SMURF2: variants seen among roughly 807,000 people sequenced by gnomAD.
The protein encoded by SMURF2 is E3 ubiquitin-protein ligase SMURF2.
A neutral mutation model predicts 109.6 loss-of-function variants in SMURF2; 48 were observed. That is an observed-to-expected ratio of 0.44 (90% CI 0.35 to 0.56). The LOEUF (loss-of-function observed/expected upper bound fraction) is 0.56. SMURF2 is among the 20% of genes least tolerant of loss of function. The pLI, the probability that SMURF2 is intolerant of heterozygous loss-of-function variation, is 0.01. For synonymous variants in SMURF2, 288 were observed against 317.1 expected, an observed-to-expected ratio of 0.91 and a Z score of 0.97; for missense variants, 575 against 909.0, an observed-to-expected ratio of 0.63 and a Z score of 4.72.
chr17:64,567,177 A>G (rs1035389828), intron 10 of SMURF2, among the ~76,000 whole-genome samples: 2 of 152,168 alleles, frequency 1.3e-5, no homozygotes, highest in African/African-American at 4.8e-5. Context: ...TTCATAGCAC[A>G]GTAACTTGAA....
intron 2 of SMURF2, among the ~76,000 whole-genome samples, chr17:64,605,055 A>T (rs1176468178): frequency 6.6e-6 from 1 of 151,790 alleles, no homozygotes; most frequent in Non-Finnish European, 1.5e-5. Flanking sequence ...GATCAACCTT[A>T]TCAAAGGTTA....
intron 1 of SMURF2, among the ~76,000 whole-genome samples, chr17:64,636,602 C>CA (rs782425202): frequency 0.091 from 3,505 of 38,610 alleles, 277 homozygotes; most frequent in African/African-American, 0.13. Flanking sequence ...GACTCTGCCT[C>CA]AAAAAAAAAA....
intron 14 of SMURF2, 139 bp from the exon 15 acceptor site, chr17:64,555,132 A>G: frequency 1.3e-6 from 1 of 774,856 alleles, no homozygotes; most frequent in African/African-American, 1.8e-5. Context: ...CATACCACCT[A>G]GTTCTTTCTG....
chr17:64,562,324 GA>G (rs1969232958), intron 11 of SMURF2, among the ~76,000 whole-genome samples: 1 of 134,402 alleles, frequency 7.4e-6, no homozygotes, highest in Non-Finnish European at 1.6e-5. Flanking sequence ...GAGAGAGAGA[GA>G]AAAATTAGCA....
At chr17:64,659,622 T>G (rs1387388974) in intron 1 of SMURF2, among the ~76,000 whole-genome samples, 1 of 151,934 alleles carries the variant, frequency 6.6e-6, no homozygotes, top group African/African-American at 2.4e-5. Flanking sequence ...GACCAATTCC[T>G]GGACGCACAT....
intron 10 of SMURF2, among the ~76,000 whole-genome samples, chr17:64,568,999 C>A (rs1365614185): frequency 6.7e-6 from 1 of 150,362 alleles, no homozygotes; most frequent in Non-Finnish European, 1.5e-5. Context: ...AAGACTCCAT[C>A]TCAAAAAAAA....
intron 1 of SMURF2, among the ~76,000 whole-genome samples, chr17:64,657,076 T>C (rs1224168189): frequency 6.6e-6 from 1 of 152,124 alleles, no homozygotes; most frequent in Non-Finnish European, 1.5e-5. Flanking sequence ...TTAAATAAAA[T>C]GCCAAAAAGG....
chr17:64,565,119 C>T (rs1161380490), intron 10 of SMURF2, among the ~76,000 whole-genome samples: 1 of 152,170 alleles, frequency 6.6e-6, no homozygotes, highest in African/African-American at 2.4e-5. Flanking sequence ...CTTCACAAAG[C>T]CTCCTGTGAA....
intron 7 of SMURF2, 82 bp downstream of exon 7, chr17:64,583,379 T>G (rs1014112467): frequency 8.7e-7 from 1 of 1,150,300 alleles, no homozygotes; most frequent in Non-Finnish European, 1.3e-6. Flanking sequence ...AAAAAAAATC[T>G]AGTAAAGCTG....
rs781821765 is a variant in SMURF2 at position 64,580,852 on chromosome 17, G to A, written c.709C>T (p.Arg237Ter). The stretch of plus-strand genomic sequence containing the variant: ...GTTCTGCTCATGTAATTTCTATGTC[G>A]TTGTGACCTGACTCTCCTCTCTGCC... ...RLAERRVRSQ[R>*]HRNYMSRTHL... The change falls in exon 8 of 19, where the codon CGA becomes TGA. Residue 237 changes from arginine to a stop codon, truncating the protein, a stop_gained. Transcript: ENST00000262435. LOFTEE classifies it high-confidence loss of function. The A allele has an allele frequency of 2.5e-6, 4 of 1,614,072 alleles. No individual in the cohort carries two copies. Among genetic ancestry groups the A allele is most frequent in the African/African-American group, 1.3e-5 (1 of 75,010 alleles).
At chr17:64,636,875 A>G (rs1970423883) in intron 1 of SMURF2, among the ~76,000 whole-genome samples, 1 of 151,586 alleles carries the variant, frequency 6.6e-6, no homozygotes, top group African/African-American at 2.4e-5. Flanking sequence ...TCTATGAGTT[A>G]TCTTTTAGCT....
At chr17:64,588,427 GAT>G (rs1443052399) in intron 5 of SMURF2, among the ~76,000 whole-genome samples, 2 of 151,734 alleles carry the variant, frequency 1.3e-5, no homozygotes, top group Non-Finnish European at 2.9e-5. Context: ...ATTAAGTTAT[GAT>G]ATATCTATAT....
intron 16 of SMURF2, among the ~76,000 whole-genome samples, chr17:64,550,068 T>C (rs1222520672): frequency 1.3e-5 from 2 of 152,200 alleles, no homozygotes; most frequent in African/African-American, 4.8e-5. Flanking sequence ...GAGATGAAAA[T>C]GCATTATATT....
chr17:64,579,672 T>C (rs1555686363), intron 8 of SMURF2, among the ~76,000 whole-genome samples: 1 of 152,198 alleles, frequency 6.6e-6, no homozygotes, highest in East Asian at 1.9e-4. Flanking sequence ...TAAAATTTAC[T>C]ATGCCAGACA....
intron 1 of SMURF2, among the ~76,000 whole-genome samples, chr17:64,613,396 G>C (rs1305552738): frequency 4.6e-5 from 7 of 152,072 alleles, no homozygotes; most frequent in African/African-American, 1.7e-4. Flanking sequence ...TTTTGTAATA[G>C]AAACTATGGA....
chr17:64,649,081 ATG>A (rs1310168898), intron 1 of SMURF2, among the ~76,000 whole-genome samples: 1 of 152,192 alleles, frequency 6.6e-6, no homozygotes, highest in Non-Finnish European at 1.5e-5. Context: ...AGAATTACTA[ATG>A]TTTGCAACTC....
intron 1 of SMURF2, among the ~76,000 whole-genome samples, chr17:64,638,103 C>A (rs1970447293): frequency 7.3e-6 from 1 of 137,466 alleles, no homozygotes. Context: ...CACTCTGTTG[C>A]CCAGGCTGGA....
intron 1 of SMURF2, among the ~76,000 whole-genome samples, chr17:64,644,923 G>A (rs552644833): frequency 4.6e-5 from 7 of 151,776 alleles, no homozygotes; most frequent in Admixed American, 3.3e-4. Flanking sequence ...GGCAGGAGCC[G>A]CTTCAACCCA....
At chr17:64,589,935 G>A (rs1555687511) in intron 5 of SMURF2, among the ~76,000 whole-genome samples, 1 of 151,972 alleles carries the variant, frequency 6.6e-6, no homozygotes, top group Non-Finnish European at 1.5e-5. Context: ...ATGGTGGGGT[G>A]CGCTGGTATA....
Sources: allele counts gnomAD v4.1 joint callset (sites outside exome capture counted in the v4.1 genomes callset), GRCh38; gene constraint gnomAD v4.1.1; transcripts MANE v1.5; gene names NCBI Gene and HGNC (gene_info 2026-07-23, HGNC 2026-07-21).